Variants in ERICH1 observed in about 807,000 individuals in gnomAD.
The protein encoded by ERICH1 is glutamate-rich protein 1.
Under a neutral mutation model 39.6 loss-of-function variants are expected in ERICH1, and 56 were observed. That is an observed-to-expected ratio of 1.41 (90% confidence interval 1.14 to 1.77). The LOEUF (loss-of-function observed/expected upper bound fraction) is 1.77. ERICH1 is among the 40% of genes most tolerant of loss of function. The pLI is 0.00. For missense variants in ERICH1, 826 were observed against 575.4 expected, an observed-to-expected ratio of 1.44 and a Z score of -4.45; for synonymous variants, 313 against 223.6, an observed-to-expected ratio of 1.40 and a Z score of -3.57.
At chr8:695,677 T>A (rs1248075211) in intron 2 of ERICH1, among the ~76,000 whole-genome samples, 1 of 43,650 alleles carries the variant, frequency 2.3e-5, no homozygotes, top group Admixed American at 2.2e-4. Flanking sequence ...TTCCTCCCCA[T>A]CAGCCTGCAC....
intron 2 of ERICH1, among the ~76,000 whole-genome samples, chr8:707,415 C>G (rs1181202093): frequency 6.6e-6 from 1 of 152,008 alleles, no homozygotes; most frequent in African/African-American, 2.4e-5. Flanking sequence ...ACCACGTTGG[C>G]CAGGCTGGTC....
chr8:615,486 C>T (rs111811437), intron 3 of ERICH1: 8 of 459,664 alleles, frequency 1.7e-5, no homozygotes, highest in African/African-American at 1.0e-4. Flanking sequence ...CTCTACGAGG[C>T]CTGGGTGCAC....
chr8:623,812 C>T (rs1797430677), intron 3 of ERICH1, among the ~76,000 whole-genome samples: 1 of 152,140 alleles, frequency 6.6e-6, no homozygotes, highest in South Asian at 2.1e-4. Flanking sequence ...GAAGAAAACA[C>T]AGGTATAAGT....
chr8:689,118 T>G (rs556790326), intron 3 of ERICH1, among the ~76,000 whole-genome samples: 2 of 111,302 alleles, frequency 1.8e-5, no homozygotes, highest in South Asian at 3.2e-4. Flanking sequence ...ATGATCTTTT[T>G]TTTCTTTTTT....
At position 715,758 on chromosome 8, in the gene ERICH1, G is replaced by C. The variant is rs1455529772; in HGVS notation, c.169+103C>G. The C allele has an allele frequency of 4.7e-6, 7 of 1,483,266 alleles. No homozygotes were observed. The East Asian group carries it at 1.2e-4, about 24-fold the overall frequency. 91.9% of individuals were successfully genotyped at this position (1,483,266 alleles called of 1,614,324 possible). Reference sequence around the variant, plus strand: ...GCTGCAGGCCCTCTGCAGACCTGCAGACAGATGCCCGAGGCCCAAAAGACA... The same window carrying C: ...GCTGCAGGCCCTCTGCAGACCTGCACACAGATGCCCGAGGCCCAAAAGACA... On this transcript the variant is annotated intron_variant, in intron 2 of 5. Coordinates refer to ENST00000262109, the MANE Select transcript of ERICH1 (RefSeq NM_207332.3).
chr8:660,459 C>A (rs1168274790), downstream of ERICH1, among the ~76,000 whole-genome samples: 2 of 152,194 alleles, frequency 1.3e-5, no homozygotes, highest in Non-Finnish European at 1.5e-5. Flanking sequence ...GCAGCGGCCA[C>A]AGCATCAGCC....
At chr8:658,748 G>A (rs1376193838) in intron 3 of ERICH1, among the ~76,000 whole-genome samples, 1 of 152,168 alleles carries the variant, frequency 6.6e-6, no homozygotes, top group Non-Finnish European at 1.5e-5. Context: ...TCAGGGAGAA[G>A]GTGTCGTCCA....
At chr8:688,431 C>G (rs1316975615) in intron 3 of ERICH1, among the ~76,000 whole-genome samples, 2 of 151,692 alleles carry the variant, frequency 1.3e-5, no homozygotes, top group African/African-American at 4.9e-5. Flanking sequence ...CCTTCCTTAG[C>G]GCCGCGCCCA....
chr8:673,368 T>A lies in ERICH1; in HGVS notation c.984A>T (p.Glu328Asp), dbSNP rs1311066578. ...CCTTTTCATTGGTAATTGTATCATC[T>A]TCCTCGCTGGCGTCTGCACCGTCCT... ...GEEDGADASEEDDTITNEKAH... is the reference protein window; with the variant it reads ...GEEDGADASEDDDTITNEKAH... The change falls in exon 4 of 6, where the codon GAA becomes GAT. Residue 328 changes from glutamate (E) to aspartate (D), a missense_variant. Coordinates refer to ENST00000262109, the MANE Select transcript of ERICH1 (RefSeq NM_207332.3). The A allele has an allele frequency of 2.5e-6, 4 of 1,613,520 alleles. No homozygotes were observed. Among genetic ancestry groups the A allele is most frequent in the Non-Finnish European group, 3.4e-6 (4 of 1,180,020 alleles).
At chr8:660,846 C>G (rs1325562639), downstream of ERICH1, among the ~76,000 whole-genome samples, 1 of 152,056 alleles carries the variant, frequency 6.6e-6, no homozygotes, top group Non-Finnish European at 1.5e-5. Flanking sequence ...CGGCCATGAG[C>G]TATATGGGAC....
At chr8:678,341 T>C (rs1805331634) in intron 3 of ERICH1, among the ~76,000 whole-genome samples, 1 of 152,060 alleles carries the variant, frequency 6.6e-6, no homozygotes, top group East Asian at 1.9e-4. Flanking sequence ...GTTAAGAAGG[T>C]AATGAAAGGA....
At chr8:731,060 G>T in intron 1 of ERICH1, 80 bp downstream of exon 1, 2 of 1,365,322 alleles carry the variant, frequency 1.5e-6, no homozygotes, top group Non-Finnish European at 9.5e-7. Context: ...GGCCGGGGTC[G>T]GGGTCCCGAG....
At chr8:638,210 T>C (rs1405577349) in intron 3 of ERICH1, among the ~76,000 whole-genome samples, 2 of 152,354 alleles carry the variant, frequency 1.3e-5, no homozygotes, top group African/African-American at 4.8e-5. Context: ...GCGTTTCTTA[T>C]CTTTTACTTA....
intron 3 of ERICH1, among the ~76,000 whole-genome samples, chr8:652,081 A>G (rs949520457): frequency 3.9e-5 from 6 of 152,198 alleles, no homozygotes; most frequent in East Asian, 1.9e-4. Context: ...GCATCTCTGC[A>G]TAGGTTTACC....
At chr8:704,137 T>A (rs1036601965) in intron 2 of ERICH1, among the ~76,000 whole-genome samples, 8 of 152,220 alleles carry the variant, frequency 5.3e-5, no homozygotes, top group African/African-American at 1.9e-4. Flanking sequence ...GAAAAACTTT[T>A]AAGTACAAGA....
intron 2 of ERICH1, among the ~76,000 whole-genome samples, chr8:706,640 G>C (rs540932648): frequency 6.6e-6 from 1 of 152,062 alleles, no homozygotes; most frequent in Non-Finnish European, 1.5e-5. Context: ...TTAGTCGGAC[G>C]TGGTGGCACA....
chr8:668,876 G>A lies in ERICH1; in HGVS notation c.1064-84C>T, dbSNP rs1056005049. On this transcript the variant is annotated intron_variant, in intron 4 of 5. Transcript: ENST00000262109. Reference sequence around the variant, plus strand: ...GATAAGCTTTCCTCTCTTAAGGAAGGTCTCAAACCTACGCTTCCACACAGA... The same window carrying A: ...GATAAGCTTTCCTCTCTTAAGGAAGATCTCAAACCTACGCTTCCACACAGA... The A allele has an allele frequency of 2.4e-6, 3 of 1,274,390 alleles. No homozygotes were observed. The Admixed American group carries it at 7.6e-5, about 32-fold the overall frequency. The allele number at this position is 1,274,390 out of a possible 1,614,324, so 78.9% of individuals were successfully genotyped here.
intron 3 of ERICH1, among the ~76,000 whole-genome samples, chr8:681,833 T>G (rs1434536529): frequency 6.6e-6 from 1 of 152,106 alleles, no homozygotes; most frequent in Non-Finnish European, 1.5e-5. Context: ...GGCCCACCTG[T>G]GCGCTTCCCT....
chr8:678,369 T>A (rs968980517), intron 3 of ERICH1, among the ~76,000 whole-genome samples: 1 of 151,870 alleles, frequency 6.6e-6, no homozygotes, highest in African/African-American at 2.4e-5. Context: ...CACAACGACA[T>A]GCAAATCAGT....
Sources: allele counts gnomAD v4.1 joint callset (sites outside exome capture counted in the v4.1 genomes callset), GRCh38; gene constraint gnomAD v4.1.1; transcripts MANE v1.5; gene names NCBI Gene and HGNC (gene_info 2026-07-23, HGNC 2026-07-21).